Variants in SCN2A observed in about 807,000 individuals in gnomAD.
The protein encoded by SCN2A is sodium channel protein type 2 subunit alpha.
In SCN2A, 20 loss-of-function variants were observed where a neutral mutation model predicts 188.7. The ratio of observed to expected loss-of-function variants is 0.11; its 90% CI spans 0.07 to 0.15. SCN2A has a LOEUF of 0.15. SCN2A is among the 10% of genes least tolerant of loss of function. SCN2A has a pLI of 1.00. For synonymous variants in SCN2A, 804 were observed against 833.1 expected (o/e 0.97, Z 0.60); for missense variants, 1,278 against 2,445.0 (o/e 0.52, Z 10.07).
rs765855716 is a variant in SCN2A, at chr2:165,331,541, C to T, written c.2361C>T (p.Phe787=). 6.2e-7 allele frequency: 1 copy of T among 1,613,392 alleles called. No homozygotes were observed. The highest frequency in any genetic ancestry group is 1.3e-5 in the African/African-American group (1 of 74,902). Residue 787 remains phenylalanine (F), a synonymous_variant, in exon 14 of 27, where the codon TTC becomes TTT. Transcript: ENST00000375437. ...AMEHYPMTEQ[F]SSVLSVGNLV... ...AGCACTATCCCATGACGGAGCAGTT[C>T]AGCAGTGTACTGTCTGTTGGAAACC... is the stretch of plus-strand genomic sequence containing the variant.
chr2:165,352,841 A>G (rs1294036569), intron 16 of SCN2A, among the ~76,000 whole-genome samples: 1 of 151,994 alleles, frequency 6.6e-6, no homozygotes, highest in East Asian at 1.9e-4. Context: ...AATCCAAAAC[A>G]CTTCTGGCCC....
At chr2:165,339,716 A>T (rs768020376) in intron 14 of SCN2A, among the ~76,000 whole-genome samples, 1 of 152,218 alleles carries the variant, frequency 6.6e-6, no homozygotes, top group African/African-American at 2.4e-5. Flanking sequence ...ATTCAATATT[A>T]TTAAGAAATT....
At chr2:165,273,868 A>T (rs1695210118) in intron 1 of SCN2A, 1 of 152,084 alleles carries the variant, frequency 6.6e-6, no homozygotes, top group African/African-American at 2.4e-5. Context: ...TGGTCACTTT[A>T]CTGGGGGAGA....
At chr2:165,359,746 A>G (rs1700362697) in intron 17 of SCN2A, among the ~76,000 whole-genome samples, 1 of 152,010 alleles carries the variant, frequency 6.6e-6, no homozygotes, top group South Asian at 2.1e-4. Flanking sequence ...TGGGATAGTG[A>G]TTAAGATGGA....
chr2:165,357,565 C>T (rs1336241548), intron 17 of SCN2A, among the ~76,000 whole-genome samples: 1 of 151,988 alleles, frequency 6.6e-6, no homozygotes, highest in Non-Finnish European at 1.5e-5. Context: ...TAGAGTAGGC[C>T]ATTTAAAATC....
chr2:165,307,809 T>G (rs1697217347), intron 3 of SCN2A, 39 bp from the exon 4 acceptor site: 8 of 1,420,052 alleles, frequency 5.6e-6, no homozygotes, highest in African/African-American at 1.4e-5. Context: ...AAAAGTAAGA[T>G]TTTTCCATTG....
At chr2:165,255,600 A>G (rs1286812994) in intron 1 of SCN2A, among the ~76,000 whole-genome samples, 1 of 151,932 alleles carries the variant, frequency 6.6e-6, no homozygotes, top group Non-Finnish European at 1.5e-5. Flanking sequence ...CTATGGTTTA[A>G]CCCCATATCC....
chr2:165,337,944 T>C (rs1342909103), intron 14 of SCN2A, among the ~76,000 whole-genome samples: 1 of 152,104 alleles, frequency 6.6e-6, no homozygotes. Context: ...GGTTCAGGGG[T>C]ATGTAGACAG....
At position 165,323,229 on chromosome 2, in the gene SCN2A, G is replaced by A. The variant is rs1229350484; in HGVS notation, c.1745G>A (p.Gly582Asp). Residue 582 changes from glycine (G) to aspartate (D), a missense_variant, in exon 12 of 27, where the codon GGT (glycine) becomes GAT (aspartate). Physicochemically the swap from Gly to Asp is moderately conservative, Grantham distance 94 (BLOSUM62 -1). Coordinates refer to ENST00000375437, the MANE Select transcript of SCN2A (RefSeq NM_001040142.2). The part of the protein sequence containing the change: ...NSRASLFSFR[G>D]RAKDIGSEND... ...AGGGCGAGCCTTTTCAGCTTCAGAGGTCGAGCAAAGGACATTGGCTCTGAG... is the reference window on the plus strand; with the variant it reads ...AGGGCGAGCCTTTTCAGCTTCAGAGATCGAGCAAAGGACATTGGCTCTGAG... 3 of 1,614,060 alleles carry A rather than the reference G, an allele frequency of 1.9e-6. No homozygotes were observed. Among genetic ancestry groups the A allele is most frequent in the South Asian group, 1.1e-5 (1 of 91,082 alleles).
chr2:165,354,926 T>C (rs986497972), intron 17 of SCN2A, among the ~76,000 whole-genome samples: 4 of 152,190 alleles, frequency 2.6e-5, no homozygotes, highest in African/African-American at 9.6e-5. Context: ...ATATGAATTT[T>C]TTCAGTATTT....
At chr2:165,345,945 T>C (rs918459071) in intron 16 of SCN2A, among the ~76,000 whole-genome samples, 1 of 152,210 alleles carries the variant, frequency 6.6e-6, no homozygotes, top group Admixed American at 6.5e-5. Context: ...CTGTAAATGA[T>C]TTTATTTCTC....
At chr2:165,247,894 C>T (rs1430473677) in intron 1 of SCN2A, among the ~76,000 whole-genome samples, 1 of 152,210 alleles carries the variant, frequency 6.6e-6, no homozygotes, top group Non-Finnish European at 1.5e-5. Context: ...AACCAACCTG[C>T]TCCAATCCTC....
At chr2:165,310,192 C>G (rs1183540468) in intron 6 of SCN2A, 131 bp from the exon 7 acceptor site, 1 of 1,009,958 alleles carries the variant, frequency 9.9e-7, no homozygotes, top group African/African-American at 1.6e-5. Context: ...TATTCAATCA[C>G]AAACATTAAA....
At chr2:165,241,031 G>T (rs1213180901) in intron 1 of SCN2A, 2 of 152,040 alleles carry the variant, frequency 1.3e-5, no homozygotes, top group Non-Finnish European at 2.9e-5. Context: ...GGCAAGGCTA[G>T]AACAGTGATT....
At chr2:165,323,589 G>A (rs1698182151) in intron 12 of SCN2A, 89 bp downstream of exon 12, 4 of 1,233,368 alleles carry the variant, frequency 3.2e-6, no homozygotes, top group Non-Finnish European at 4.6e-6. Context: ...CTAAGAATTT[G>A]TTGAGTTTGT....
At chr2:165,251,885 C>G (rs1694111307) in intron 1 of SCN2A, among the ~76,000 whole-genome samples, 1 of 151,792 alleles carries the variant, frequency 6.6e-6, no homozygotes, top group African/African-American at 2.4e-5. Flanking sequence ...TCACATGGAT[C>G]CAATTTTTTT....
At chr2:165,381,796 A>G (rs535971145) in intron 25 of SCN2A, among the ~76,000 whole-genome samples, 9 of 152,102 alleles carry the variant, frequency 5.9e-5, no homozygotes, top group African/African-American at 2.2e-4. Flanking sequence ...CTGTTCGTTC[A>G]GTTTGGCTGC....
chr2:165,256,513 CTAAT>C (rs1694335774), intron 1 of SCN2A, among the ~76,000 whole-genome samples: 1 of 152,140 alleles, frequency 6.6e-6, no homozygotes, highest in Non-Finnish European at 1.5e-5. Context: ...TTATTTCCAT[CTAAT>C]TAACTTTTTA....
chr2:165,350,454 T>C (rs1699823328), intron 16 of SCN2A, among the ~76,000 whole-genome samples: 1 of 137,144 alleles, frequency 7.3e-6, no homozygotes, highest in South Asian at 2.3e-4. Context: ...CTTGCTGAAC[T>C]GTTTTCTTTC....
Sources: allele counts gnomAD v4.1 joint callset (sites outside exome capture counted in the v4.1 genomes callset), GRCh38; gene constraint gnomAD v4.1.1; transcripts MANE v1.5; gene names NCBI Gene and HGNC (gene_info 2026-07-23, HGNC 2026-07-21).